PXDNL: variants seen among roughly 807,000 people sequenced by gnomAD.
PXDNL encodes the protein peroxidasin like, also known as probable oxidoreductase PXDNL.
Under a neutral mutation model 150.8 loss-of-function variants are expected in PXDNL, and 145 were observed. The observed-to-expected ratio is 0.96, with a 90% CI of 0.84 to 1.10. PXDNL has a LOEUF of 1.10. Ranked by LOEUF, PXDNL falls within the 50% of genes least tolerant of loss-of-function variation. The probability of loss-of-function intolerance (pLI) is 0.00; values close to 1 mark genes in which losing one functional copy is unlikely to be tolerated. For missense variants in PXDNL, 2,087 were observed against 1,873.9 expected, an observed-to-expected ratio of 1.11 and a Z score of -2.10; for synonymous variants, 757 against 725.7, an observed-to-expected ratio of 1.04 and a Z score of -0.69.
intron 3 of PXDNL, among the ~76,000 whole-genome samples, chr8:51,564,555 T>C (rs535635521): frequency 6.6e-6 from 1 of 151,756 alleles, no homozygotes; most frequent in Admixed American, 6.6e-5. Context: ...TGGTGCCTAC[T>C]TGGACACATT....
rs114897936 is a variant in PXDNL, at chr8:51,647,653, C to T, written c.236+7036G>A. 1.9e-3 allele frequency among the ~76,000 whole-genome samples: 283 copies of T among 152,084 alleles called. 1 individual carries two copies. Among genetic ancestry groups the T allele is most frequent in the African/African-American group, 6.6e-3 (274 of 41,470 alleles). On this transcript the variant is annotated intron_variant, in intron 2 of 22. Coordinates refer to ENST00000356297, the MANE Select transcript of PXDNL (RefSeq NM_144651.5). ...AGGAGCATGAACTTTGTAGCCAGAG[C>T]GCCTGTGTCAAGGAAAGATCTACCA...
At chr8:51,724,469 T>C (rs534415573) in intron 1 of PXDNL, among the ~76,000 whole-genome samples, 2 of 152,110 alleles carry the variant, frequency 1.3e-5, no homozygotes, top group East Asian at 3.9e-4. Flanking sequence ...AATTAGCTGC[T>C]GATGACCACA....
chr8:51,565,821 A>G (rs1450067812), intron 3 of PXDNL, among the ~76,000 whole-genome samples: 1 of 151,888 alleles, frequency 6.6e-6, no homozygotes, highest in African/African-American at 2.4e-5. Context: ...CATTATGTAT[A>G]TGCAAATACA....
chr8:51,344,928 A>G (rs912877630), intron 20 of PXDNL, among the ~76,000 whole-genome samples: 1 of 152,198 alleles, frequency 6.6e-6, no homozygotes, highest in Non-Finnish European at 1.5e-5. Flanking sequence ...AAGCCTTCAC[A>G]CTTCTTGTCC....
intron 1 of PXDNL, among the ~76,000 whole-genome samples, chr8:51,684,050 A>G (rs1815818267): frequency 6.6e-6 from 1 of 152,254 alleles, no homozygotes; most frequent in African/African-American, 2.4e-5. Context: ...CAGAATCACT[A>G]CAATATGACA....
At chr8:51,694,371 A>C (rs200357474) in intron 1 of PXDNL, among the ~76,000 whole-genome samples, 6 of 5,254 alleles carry the variant, frequency 1.1e-3, no homozygotes, top group Non-Finnish European at 3.6e-4. Flanking sequence ...TCAAACAAAC[A>C]AAAAAAAAAA....
intron 1 of PXDNL, among the ~76,000 whole-genome samples, chr8:51,756,500 A>C (rs1185060669): frequency 6.6e-6 from 1 of 152,162 alleles, no homozygotes; most frequent in African/African-American, 2.4e-5. Context: ...GAAATATTTC[A>C]TAGAAAACCT....
chr8:51,685,580 T>A (rs1815855441), intron 1 of PXDNL, among the ~76,000 whole-genome samples: 1 of 152,228 alleles, frequency 6.6e-6, no homozygotes, highest in Non-Finnish European at 1.5e-5. Context: ...TTTTCTCCAC[T>A]CTGAATTCTT....
At chr8:51,467,002 A>G (rs1810219428) in intron 8 of PXDNL, among the ~76,000 whole-genome samples, 1 of 152,158 alleles carries the variant, frequency 6.6e-6, no homozygotes, top group Non-Finnish European at 1.5e-5. Context: ...CAAAGAAGTA[A>G]AAGTTGAGCT....
chr8:51,465,687 G>A (rs1282941045), intron 8 of PXDNL, among the ~76,000 whole-genome samples: 1 of 151,968 alleles, frequency 6.6e-6, no homozygotes, highest in Non-Finnish European at 1.5e-5. Context: ...ACTGATAAAG[G>A]ATTTCAGTAA....
At chr8:51,775,491 G>A (rs531046426) in intron 1 of PXDNL, among the ~76,000 whole-genome samples, 2 of 152,152 alleles carry the variant, frequency 1.3e-5, no homozygotes, top group African/African-American at 2.4e-5. Context: ...CTTGAACGGA[G>A]GGACTAGCTG....
intron 2 of PXDNL, among the ~76,000 whole-genome samples, chr8:51,635,576 T>C (rs370295563): frequency 1.3e-5 from 2 of 151,990 alleles, no homozygotes; most frequent in East Asian, 1.9e-4. Context: ...ACTATTAAAA[T>C]TGTACACCAA....
chr8:51,701,630 C>A (rs1427450200), intron 1 of PXDNL, among the ~76,000 whole-genome samples: 1 of 152,154 alleles, frequency 6.6e-6, no homozygotes, highest in Non-Finnish European at 1.5e-5. Flanking sequence ...TTCCACATTG[C>A]TGTAATTAAA....
intron 1 of PXDNL, among the ~76,000 whole-genome samples, chr8:51,750,543 A>G (rs2037034464): frequency 6.6e-6 from 1 of 152,234 alleles, no homozygotes; most frequent in Non-Finnish European, 1.5e-5. Context: ...TGTCATATAC[A>G]CTGTCCATCA....
intron 12 of PXDNL, among the ~76,000 whole-genome samples, chr8:51,445,345 T>C (rs1265804638): frequency 6.6e-6 from 1 of 152,214 alleles, no homozygotes; most frequent in Non-Finnish European, 1.5e-5. Flanking sequence ...TCCATATGGC[T>C]CTCACCTGCC....
chr8:51,424,323 C>T (rs945428978), intron 13 of PXDNL, among the ~76,000 whole-genome samples: 2 of 152,104 alleles, frequency 1.3e-5, no homozygotes, highest in African/African-American at 4.8e-5. Context: ...GAACTATGAT[C>T]ATGCCACTGT....
intron 21 of PXDNL, among the ~76,000 whole-genome samples, chr8:51,326,951 G>A (rs553685667): frequency 6.6e-6 from 1 of 152,034 alleles, no homozygotes; most frequent in Non-Finnish European, 1.5e-5. Context: ...CATAAACAAA[G>A]GAAATCTGAA....
intron 4 of PXDNL, among the ~76,000 whole-genome samples, chr8:51,539,406 A>G (rs546129745): frequency 2.0e-5 from 3 of 152,188 alleles, no homozygotes; most frequent in South Asian, 4.1e-4. Flanking sequence ...TATTTTAATG[A>G]GAAATATAGT....
At chr8:51,799,869 A>AT (rs2037601020) in intron 1 of PXDNL, among the ~76,000 whole-genome samples, 1 of 152,186 alleles carries the variant, frequency 6.6e-6, no homozygotes, top group Non-Finnish European at 1.5e-5. Flanking sequence ...CAACCCTCAC[A>AT]GCATTACAGG....
Sources: gnomAD v4.1 joint callset for allele counts (sites outside exome capture counted in the v4.1 genomes callset) on GRCh38, gnomAD v4.1.1 for gene constraint, MANE v1.5 for transcripts, NCBI Gene and HGNC (gene_info 2026-07-23, HGNC 2026-07-21) for gene names.